Variants in C1orf94 observed in about 807,000 individuals in gnomAD.
The protein encoded by C1orf94 is chromosome 1 open reading frame 94.
Under a neutral mutation model 53.6 loss-of-function variants are expected in C1orf94, and 45 were observed. That is an observed-to-expected ratio of 0.84 (90% confidence interval 0.66 to 1.08). C1orf94 has a LOEUF of 1.08. Ranked by LOEUF, C1orf94 falls within the 50% of genes least tolerant of loss-of-function variation. C1orf94 has a pLI of 0.00. For missense variants in C1orf94, 762 were observed against 738.9 expected (o/e 1.03, Z -0.36); for synonymous variants, 304 against 296.1 (o/e 1.03, Z -0.27).
chr1:34,169,565 C>T (rs976752955), intron 1 of C1orf94, among the ~76,000 whole-genome samples: 3 of 145,004 alleles, frequency 2.1e-5, no homozygotes, highest in African/African-American at 7.6e-5. Flanking sequence ...TTCATTCTGA[C>T]CCAGGAAAAG....
At chr1:34,205,889 G>C (rs1389674502) in intron 4 of C1orf94, among the ~76,000 whole-genome samples, 1 of 152,192 alleles carries the variant, frequency 6.6e-6, no homozygotes, top group Non-Finnish European at 1.5e-5. Flanking sequence ...AAGGAACTCT[G>C]CTCCCAATGA....
intron 1 of C1orf94, among the ~76,000 whole-genome samples, chr1:34,189,295 G>C (rs1642442436): frequency 6.6e-6 from 1 of 151,982 alleles, no homozygotes; most frequent in Non-Finnish European, 1.5e-5. Context: ...TGTGTGCATA[G>C]TGTGTGTGCA....
upstream of C1orf94, among the ~76,000 whole-genome samples, chr1:34,176,858 C>G (rs1216186223): frequency 2.0e-5 from 3 of 152,164 alleles, no homozygotes; most frequent in African/African-American, 7.2e-5. Context: ...TGGGCCCCAC[C>G]CCCACCCACC....
intron 1 of C1orf94, among the ~76,000 whole-genome samples, chr1:34,180,591 G>A (rs557999786): frequency 1.3e-5 from 2 of 152,358 alleles, no homozygotes; most frequent in Middle Eastern, 3.4e-3. Context: ...TTGGCCCTGA[G>A]GCAATAATGT....
intron 1 of C1orf94, among the ~76,000 whole-genome samples, chr1:34,196,888 T>A (rs1571343594): frequency 6.6e-6 from 1 of 152,278 alleles, no homozygotes; most frequent in East Asian, 1.9e-4. Context: ...CCTTCTCTGG[T>A]CTTTCATTGC....
At chr1:34,169,148 G>T (rs1642097412) in intron 1 of C1orf94, among the ~76,000 whole-genome samples, 1 of 152,128 alleles carries the variant, frequency 6.6e-6, no homozygotes, top group Non-Finnish European at 1.5e-5. Flanking sequence ...GGTAAGAAAG[G>T]AAAGGGTACC....
At chr1:34,181,387 T>C (rs1383365494) in intron 1 of C1orf94, among the ~76,000 whole-genome samples, 1 of 152,222 alleles carries the variant, frequency 6.6e-6, no homozygotes, top group East Asian at 1.9e-4. Context: ...ATCCTCCCTG[T>C]CTGCATTCTG....
At chr1:34,198,130 A>G (rs1286855700) in intron 2 of C1orf94, among the ~76,000 whole-genome samples, 3 of 152,246 alleles carry the variant, frequency 2.0e-5, no homozygotes, top group African/African-American at 4.8e-5. Context: ...TTGTAAGCAA[A>G]CCCAGAGGCC....
At chr1:34,170,190 T>C (rs1311371553) in intron 1 of C1orf94, among the ~76,000 whole-genome samples, 2 of 152,234 alleles carry the variant, frequency 1.3e-5, no homozygotes, top group African/African-American at 4.8e-5. Context: ...ACTTACTCTT[T>C]CATTCATTTG....
chr1:34,217,157 C>T (rs781657648), intron 6 of C1orf94, among the ~76,000 whole-genome samples: 2 of 152,124 alleles, frequency 1.3e-5, no homozygotes, highest in African/African-American at 4.8e-5. Context: ...GACATATGTT[C>T]GTCCTACTCA....
intron 5 of C1orf94, among the ~76,000 whole-genome samples, chr1:34,211,116 C>T (rs932176781): frequency 6.6e-6 from 1 of 152,136 alleles, no homozygotes; most frequent in African/African-American, 2.4e-5. Context: ...AGAGGATAGA[C>T]ATCAGCTCCG....
chr1:34,175,869 T>C (rs1047424824), upstream of C1orf94, among the ~76,000 whole-genome samples: 2 of 152,054 alleles, frequency 1.3e-5, no homozygotes, highest in South Asian at 2.1e-4. Flanking sequence ...ACTTTGTTAC[T>C]AGGTTGGTAC....
intron 5 of C1orf94, among the ~76,000 whole-genome samples, chr1:34,211,652 T>C (rs1642891696): frequency 6.6e-6 from 1 of 152,200 alleles, no homozygotes; most frequent in Non-Finnish European, 1.5e-5. Flanking sequence ...TGCTCAATTG[T>C]CGTGTGTGGC....
chr1:34,217,409 C>A (rs1189800738), intron 6 of C1orf94, among the ~76,000 whole-genome samples: 1 of 152,100 alleles, frequency 6.6e-6, no homozygotes, highest in African/African-American at 2.4e-5. Context: ...GGGTTACAGC[C>A]TTTATTTTGT....
At chr1:34,187,080 T>C (rs1172172567) in intron 1 of C1orf94, among the ~76,000 whole-genome samples, 1 of 152,204 alleles carries the variant, frequency 6.6e-6, no homozygotes, top group African/African-American at 2.4e-5. Context: ...GGTTTTTTCC[T>C]CCTTCTGTCT....
chr1:34,202,336 T>A, intron 4 of C1orf94, 77 bp downstream of exon 4: 1 of 1,501,158 alleles, frequency 6.7e-7, no homozygotes, highest in Admixed American at 1.9e-5. Flanking sequence ...TGGCAGGGGG[T>A]CTATTTCACA....
At chr1:34,168,893 G>T (rs958038524) in intron 1 of C1orf94, among the ~76,000 whole-genome samples, 5 of 146,554 alleles carry the variant, frequency 3.4e-5, no homozygotes, top group African/African-American at 9.7e-5. Context: ...GAATTTGGGT[G>T]GGGGGGCACA....
At chr1:34,179,561 T>C (rs573143957) in intron 1 of C1orf94, among the ~76,000 whole-genome samples, 51 of 152,382 alleles carry the variant, frequency 3.3e-4, no homozygotes, top group Non-Finnish European at 7.2e-4. Context: ...TTTGGCCAGC[T>C]GCTTAACTCC....
intron 1 of C1orf94, among the ~76,000 whole-genome samples, chr1:34,178,600 T>C (rs1453489003): frequency 6.6e-6 from 1 of 152,134 alleles, no homozygotes; most frequent in Non-Finnish European, 1.5e-5. Flanking sequence ...ATCAAAATAT[T>C]TACTGGGAAG....
Sources: gnomAD v4.1 joint callset for allele counts (sites outside exome capture counted in the v4.1 genomes callset) on GRCh38, gnomAD v4.1.1 for gene constraint, MANE v1.5 for transcripts, NCBI Gene and HGNC (gene_info 2026-07-23, HGNC 2026-07-21) for gene names.